Variants in MTHFD1L observed in about 807,000 individuals in gnomAD.
The protein encoded by MTHFD1L is monofunctional C1-tetrahydrofolate synthase, mitochondrial.
MTHFD1L carries 81 observed loss-of-function variants against 119.5 expected under a neutral mutation model. That is an observed-to-expected ratio of 0.68 (90% CI 0.57 to 0.82). The LOEUF is 0.82. Among genes scored for constraint, MTHFD1L ranks in the 40% least tolerant of loss-of-function variants. MTHFD1L has a pLI of 0.00. For missense variants in MTHFD1L, 1,125 were observed against 1,253.4 expected (o/e 0.90, Z 1.55); for synonymous variants, 430 against 475.2 (o/e 0.90, Z 1.24).
intron 20 of MTHFD1L, among the ~76,000 whole-genome samples, chr6:150,997,309 T>C (rs13362604): frequency 0.2 from 29,906 of 152,044 alleles, 3,045 homozygotes; most frequent in Middle Eastern, 0.29. Context: ...TTCCCAATAT[T>C]CTACAAAATA....
rs990720469 is a variant in MTHFD1L, at chr6:151,099,876, A to T, written c.*32-1650A>T. ...AAGCCATCGTGGAAAGAGCTGCCCA[A>T]CTGGCCATCACAGTCACCAACCCCA... On this transcript the variant is annotated intron_variant, in intron 27 of 27. Coordinates refer to ENST00000367321, the MANE Select transcript of MTHFD1L (RefSeq NM_015440.5). The T allele has an allele frequency of 2.0e-5, 31 of 1,546,984 alleles. No homozygotes were observed. The East Asian group carries it at 6.5e-4, about 32-fold the overall frequency.
intron 1 of MTHFD1L, among the ~76,000 whole-genome samples, chr6:150,868,378 C>T (rs1778798697): frequency 6.8e-6 from 1 of 147,366 alleles, no homozygotes; most frequent in African/African-American, 2.5e-5. Flanking sequence ...CTCACTCTGT[C>T]GCACAGGTTG....
At chr6:150,902,726 C>T (rs575671257) in intron 7 of MTHFD1L, among the ~76,000 whole-genome samples, 7 of 151,878 alleles carry the variant, frequency 4.6e-5, no homozygotes, top group East Asian at 1.9e-4. Context: ...GTTGAGGGGT[C>T]GGAATGAGAT....
chr6:150,866,645 GGCCCCCGGGACA>G (rs1778388127), intron 1 of MTHFD1L: 1 of 1,202,358 alleles, frequency 8.3e-7, no homozygotes, highest in African/African-American at 1.6e-5. Context: ...GGTGGAGCCG[GGCCCCCGGGACA>G]GCCGCCGGGG....
At chr6:150,955,518 T>C (rs55740712) in intron 16 of MTHFD1L, among the ~76,000 whole-genome samples, 37,846 of 116,814 alleles carry the variant, frequency 0.32, 5,022 homozygotes, top group East Asian at 0.51. Context: ...TTTTTTTTTT[T>C]AGAGGGGGTC....
At chr6:151,035,135 T>C (rs1205460492) in intron 25 of MTHFD1L, among the ~76,000 whole-genome samples, 4 of 152,208 alleles carry the variant, frequency 2.6e-5, no homozygotes, top group South Asian at 2.1e-4. Context: ...CATCATCTTC[T>C]ACCTCTAGCC....
chr6:151,001,837 G>A (rs911700793), intron 20 of MTHFD1L, among the ~76,000 whole-genome samples: 2 of 152,126 alleles, frequency 1.3e-5, no homozygotes. Flanking sequence ...ACTCATCACT[G>A]TTGACACATG....
chr6:151,089,753 T>C (rs1044873904), intron 26 of MTHFD1L, among the ~76,000 whole-genome samples: 7 of 152,234 alleles, frequency 4.6e-5, no homozygotes, highest in Non-Finnish European at 8.8e-5. Context: ...ATGTTTCAAG[T>C]AGTAGAACAG....
intron 26 of MTHFD1L, among the ~76,000 whole-genome samples, chr6:151,071,300 T>G (rs1791921795): frequency 6.6e-6 from 1 of 152,088 alleles, no homozygotes; most frequent in African/African-American, 2.4e-5. Context: ...AGATAAGGGG[T>G]GCTGCAGAAC....
chr6:151,072,332 C>T (rs1041111638), intron 26 of MTHFD1L, among the ~76,000 whole-genome samples: 2 of 151,998 alleles, frequency 1.3e-5, no homozygotes, highest in South Asian at 2.1e-4. Flanking sequence ...AGCTGAAAAT[C>T]GAATTCTGTC....
At chr6:150,942,470 C>T (rs950220756) in intron 13 of MTHFD1L, among the ~76,000 whole-genome samples, 2 of 152,024 alleles carry the variant, frequency 1.3e-5, no homozygotes, top group African/African-American at 4.8e-5. Context: ...CGTGCATATC[C>T]TTTGGCCCAA....
At chr6:150,938,298 A>G (rs1190053190) in intron 12 of MTHFD1L, among the ~76,000 whole-genome samples, 2 of 152,242 alleles carry the variant, frequency 1.3e-5, no homozygotes, top group African/African-American at 2.4e-5. Context: ...GTTTACAGGC[A>G]TGAGCCACCT....
At chr6:150,923,195 G>A (rs1013542879) in intron 10 of MTHFD1L, among the ~76,000 whole-genome samples, 2 of 152,080 alleles carry the variant, frequency 1.3e-5, no homozygotes, top group African/African-American at 4.8e-5. Flanking sequence ...GCTCGTCAAG[G>A]TGGATATTTT....
intron 23 of MTHFD1L, 28 bp from the exon 24 acceptor site, chr6:151,015,488 G>A (rs1782920252): frequency 1.3e-6 from 2 of 1,587,226 alleles, no homozygotes. Context: ...GGATACAGAT[G>A]CAAAACCACA....
chr6:151,035,621 T>C (rs1461427684), intron 25 of MTHFD1L, among the ~76,000 whole-genome samples: 1 of 152,210 alleles, frequency 6.6e-6, no homozygotes, highest in Non-Finnish European at 1.5e-5. Context: ...TTTTCATTCA[T>C]GTGCAATGAA....
intron 10 of MTHFD1L, among the ~76,000 whole-genome samples, chr6:150,923,244 C>A (rs6557102): frequency 0.085 from 12,998 of 152,096 alleles, 761 homozygotes; most frequent in African/African-American, 0.16. Context: ...GCTACATATT[C>A]TATCTATAAA....
rs551381943 is a variant in MTHFD1L, at chr6:150,879,624, G to GTTTT, written c.417+1816_417+1819dup. Among the ~76,000 whole-genome samples, 76 of 107,860 alleles carry GTTTT rather than the reference G, an allele frequency of 7.0e-4. 1 individual carries two copies. The highest frequency in any genetic ancestry group is 1.3e-3 in the African/African-American group (35 of 26,462). 70.8% of individuals were successfully genotyped at this position (107,860 alleles called of 152,430 possible). A position where few individuals can be genotyped will look rare whatever the true frequency, so the allele number is the denominator to read the frequency against. On this transcript the variant is annotated intron_variant, in intron 4 of 27. Coordinates refer to ENST00000367321, the MANE Select transcript of MTHFD1L (RefSeq NM_015440.5). ...TTCTTTAGGTTGTTTTGCCACTGGT[G>GTTTT]TTTTTTTTTTTTTTTTTTTTTCTGA...
At chr6:150,888,050 T>C (rs1463545397) in intron 7 of MTHFD1L, 69 bp downstream of exon 7, 1 of 1,460,912 alleles carries the variant, frequency 6.8e-7, no homozygotes, top group Non-Finnish European at 9.1e-7. Context: ...TAGAAATGTA[T>C]AAGCTAAGTG....
At chr6:151,005,666 C>T (rs541842231) in intron 20 of MTHFD1L, among the ~76,000 whole-genome samples, 9 of 152,170 alleles carry the variant, frequency 5.9e-5, no homozygotes, top group South Asian at 2.1e-4. Context: ...CCCAGCTACT[C>T]GGGAGACTGA....
Sources: allele counts gnomAD v4.1 joint callset (sites outside exome capture counted in the v4.1 genomes callset), GRCh38; gene constraint gnomAD v4.1.1; transcripts MANE v1.5; gene names NCBI Gene and HGNC (gene_info 2026-07-23, HGNC 2026-07-21).